The following SNCAIP variants were observed in gnomAD, a reference collection of about 807,000 sequenced individuals.
The protein encoded by SNCAIP is synphilin-1.
Under a neutral mutation model 86.7 loss-of-function variants are expected in SNCAIP, and 43 were observed. The ratio of observed to expected loss-of-function variants is 0.50; its 90% confidence interval spans 0.39 to 0.64. The LOEUF is 0.64. SNCAIP is among the 30% of genes least tolerant of loss of function. The pLI, the probability that SNCAIP is intolerant of heterozygous loss-of-function variation, is 0.00. For missense variants in SNCAIP, 981 were observed against 1,103.1 expected, an observed-to-expected ratio of 0.89 and a Z score of 1.57; for synonymous variants, 417 against 427.2, an observed-to-expected ratio of 0.98 and a Z score of 0.29.
chr5:122,410,144 A>C (rs1273018911), intron 3 of SNCAIP, among the ~76,000 whole-genome samples: 1 of 152,232 alleles, frequency 6.6e-6, no homozygotes, highest in East Asian at 1.9e-4. Flanking sequence ...TGTTTAACAA[A>C]ATATAATTAT....
intron 3 of SNCAIP, among the ~76,000 whole-genome samples, chr5:122,407,028 G>A (rs1204879244): frequency 6.6e-6 from 1 of 152,166 alleles, no homozygotes; most frequent in Admixed American, 6.5e-5. Context: ...CAACAAATAT[G>A]TGTTGAGTGT....
chr5:122,461,437 TC>T (rs1786207213), intron 10 of SNCAIP, among the ~76,000 whole-genome samples: 1 of 152,132 alleles, frequency 6.6e-6, no homozygotes, highest in Admixed American at 6.5e-5. Flanking sequence ...ATTTCTCTGT[TC>T]CCTCTTTTGA....
chr5:122,377,225 G>A (rs972209710), intron 1 of SNCAIP, among the ~76,000 whole-genome samples: 3 of 152,010 alleles, frequency 2.0e-5, no homozygotes, highest in Non-Finnish European at 2.9e-5. Context: ...TCAACCACTG[G>A]TTTTCTTGGC....
At chr5:122,415,529 T>C (rs304394) in intron 3 of SNCAIP, among the ~76,000 whole-genome samples, 61,771 of 152,142 alleles carry the variant, frequency 0.41, 12,873 homozygotes, top group East Asian at 0.67. Context: ...ACATAGTCCA[T>C]ATTTAGAAGT....
At chr5:122,427,544 A>G (rs192482142) in intron 5 of SNCAIP, among the ~76,000 whole-genome samples, 1 of 152,318 alleles carries the variant, frequency 6.6e-6, no homozygotes, top group Admixed American at 6.5e-5. Context: ...ATATTTTATA[A>G]CAAGTGCTTC....
intron 3 of SNCAIP, 109 bp from the exon 4 acceptor site, chr5:122,422,758 CA>C (rs918772825): frequency 2.3e-6 from 2 of 886,568 alleles, no homozygotes; most frequent in African/African-American, 3.3e-5. Context: ...CATCCTCACA[CA>C]CAGAACCTTA....
chr5:122,337,523 T>TTTTG lies in SNCAIP; in HGVS notation c.-47+25267_-47+25270dup, dbSNP rs141566797. 1.9e-3 allele frequency among the ~76,000 whole-genome samples: 282 copies of TTTTG among 151,416 alleles called. 1 individual carries two copies. The highest frequency in any genetic ancestry group is 4.4e-3 in the African/African-American group (181 of 41,324). ...AATCTGTTTCCTCTGTTTTTTAGGA[T>TTTTG]TTTGTTTGTTTGTTTGTTTGTTTGT... On this transcript the variant is annotated intron_variant, in intron 1 of 10. Transcript: ENST00000261368.
chr5:122,404,225 A>G (rs969557460), intron 3 of SNCAIP, among the ~76,000 whole-genome samples: 8 of 152,222 alleles, frequency 5.3e-5, no homozygotes, highest in African/African-American at 1.9e-4. Flanking sequence ...TGTTGGATGC[A>G]TTTACTACCC....
At chr5:122,392,645 T>A (rs1769654971) in intron 2 of SNCAIP, among the ~76,000 whole-genome samples, 1 of 152,188 alleles carries the variant, frequency 6.6e-6, no homozygotes, top group South Asian at 2.1e-4. Flanking sequence ...ATGTTGTGTT[T>A]TAAAAGCAAA....
intron 10 of SNCAIP, among the ~76,000 whole-genome samples, chr5:122,460,405 A>C (rs1351492059): frequency 6.6e-6 from 1 of 152,136 alleles, no homozygotes; most frequent in Non-Finnish European, 1.5e-5. Flanking sequence ...CAGGATTTGA[A>C]CTCAGTCTGG....
chr5:122,312,108 G>C (rs997081912), upstream of SNCAIP: 2 of 147,946 alleles, frequency 1.4e-5, no homozygotes, highest in Admixed American at 6.7e-5. Context: ...GCGCCCGTTG[G>C]GGGGCCCGGG....
At position 122,463,664 on chromosome 5, in the gene SNCAIP, C is replaced by T; in HGVS notation, c.*168C>T. ...CTCTTTGGAAAGAGAACCATGAAAA[C>T]AATGCCTCACCAGCAGAAGAACAGA... On this transcript the variant is annotated 3_prime_UTR_variant, in exon 11 of 11. Transcript: ENST00000261368. The T allele has an allele frequency of 3.1e-6, 2 of 648,498 alleles. No individual in the cohort carries two copies. Among genetic ancestry groups the T allele is most frequent in the South Asian group, 4.1e-5 (2 of 48,882 alleles). 40.2% of individuals were successfully genotyped at this position (648,498 alleles called of 1,614,324 possible). A position where few individuals can be genotyped will look rare whatever the true frequency, so the allele number is the denominator to read the frequency against.
chr5:122,329,766 C>T (rs1230965383), intron 1 of SNCAIP, among the ~76,000 whole-genome samples: 1 of 152,030 alleles, frequency 6.6e-6, no homozygotes, highest in Non-Finnish European at 1.5e-5. Flanking sequence ...AAGGTACATA[C>T]AAATTATTAA....
rs1338173123 is a variant in SNCAIP, at chr5:122,367,669, A to G, written c.-46-23420A>G. ...TGCACTTATGCTGCAAAGACAGTGCATTCAGAATTCCAGTCTTGGCAAAGA... is the reference window on the plus strand; with the variant it reads ...TGCACTTATGCTGCAAAGACAGTGCGTTCAGAATTCCAGTCTTGGCAAAGA... On this transcript the variant is annotated intron_variant, in intron 1 of 10. Transcript: ENST00000261368. 2.6e-5 allele frequency among the ~76,000 whole-genome samples: 4 copies of G among 152,164 alleles called. No individual in the cohort carries two copies. In the East Asian group the frequency reaches 5.8e-4, roughly 22 times the overall value.
At chr5:122,425,115 C>T (rs1777103156) in intron 4 of SNCAIP, among the ~76,000 whole-genome samples, 1 of 152,212 alleles carries the variant, frequency 6.6e-6, no homozygotes, top group Admixed American at 6.5e-5. Context: ...AGCCTCCACA[C>T]CTCATTGGCC....
At chr5:122,345,628 T>A (rs2152731344) in intron 1 of SNCAIP, among the ~76,000 whole-genome samples, 2 of 152,270 alleles carry the variant, frequency 1.3e-5, no homozygotes, top group East Asian at 3.9e-4. Context: ...GTTTATGGTA[T>A]AATATGGCCA....
chr5:122,350,247 T>C (rs1413916876), intron 1 of SNCAIP, among the ~76,000 whole-genome samples: 2 of 152,208 alleles, frequency 1.3e-5, no homozygotes, highest in African/African-American at 2.4e-5. Context: ...GTTGCTGATC[T>C]TTATATTCAG....
At chr5:122,325,960 G>A (rs1753930781) in intron 1 of SNCAIP, among the ~76,000 whole-genome samples, 1 of 152,092 alleles carries the variant, frequency 6.6e-6, no homozygotes, top group African/African-American at 2.4e-5. Flanking sequence ...CAATATGTCT[G>A]GAAGAGAAAG....
intron 8 of SNCAIP, 145 bp from the exon 9 acceptor site, chr5:122,449,700 A>C: frequency 4.6e-6 from 3 of 653,514 alleles, no homozygotes; most frequent in Non-Finnish European, 5.5e-6. Flanking sequence ...AAATTTCTGA[A>C]CCTGTAAGGA....
Sources: gnomAD v4.1 joint callset for allele counts (sites outside exome capture counted in the v4.1 genomes callset) on GRCh38, gnomAD v4.1.1 for gene constraint, MANE v1.5 for transcripts, NCBI Gene and HGNC (gene_info 2026-07-23, HGNC 2026-07-21) for gene names.